The following CABCOCO1 variants were observed in gnomAD, a reference collection of about 807,000 sequenced individuals.
The protein encoded by CABCOCO1 is ciliary associated calcium binding coiled-coil 1.
A neutral mutation model predicts 35.7 loss-of-function variants in CABCOCO1; 28 were observed. The ratio of observed to expected loss-of-function variants is 0.78; its 90% CI spans 0.58 to 1.07. The LOEUF (loss-of-function observed/expected upper bound fraction) is 1.07. Ranked by LOEUF, CABCOCO1 falls within the 50% of genes least tolerant of loss-of-function variation. The probability of loss-of-function intolerance (pLI) is 0.00; values close to 1 mark genes in which losing one functional copy is unlikely to be tolerated. For missense variants in CABCOCO1, 326 were observed against 309.2 expected, an observed-to-expected ratio of 1.05 and a Z score of -0.41; for synonymous variants, 95 against 100.1, an observed-to-expected ratio of 0.95 and a Z score of 0.30.
chr10:61,670,510 T>C (rs1839322715), intron 1 of CABCOCO1, among the ~76,000 whole-genome samples: 1 of 152,196 alleles, frequency 6.6e-6, no homozygotes, highest in Non-Finnish European at 1.5e-5. Context: ...AACCTAATAT[T>C]AAATTACAAA....
At chr10:61,720,586 A>G (rs1256410263) in intron 5 of CABCOCO1, among the ~76,000 whole-genome samples, 1 of 152,254 alleles carries the variant, frequency 6.6e-6, no homozygotes, top group Non-Finnish European at 1.5e-5. Context: ...GAAATGGTAG[A>G]GGATTATTAA....
intron 5 of CABCOCO1, among the ~76,000 whole-genome samples, chr10:61,693,983 A>G (rs1840226929): frequency 6.6e-6 from 1 of 152,006 alleles, no homozygotes; most frequent in Non-Finnish European, 1.5e-5. Flanking sequence ...CAAACCACAA[A>G]CACAAAACAG....
intron 6 of CABCOCO1, among the ~76,000 whole-genome samples, 165 bp downstream of exon 6, chr10:61,760,346 T>C (rs188117497): frequency 3.9e-4 from 60 of 152,116 alleles, no homozygotes; most frequent in African/African-American, 1.4e-3. Flanking sequence ...CCGCTGATGG[T>C]AGTTCAGCAA....
At chr10:61,743,781 A>G (rs1653715774) in intron 5 of CABCOCO1, among the ~76,000 whole-genome samples, 1 of 152,038 alleles carries the variant, frequency 6.6e-6, no homozygotes, top group Non-Finnish European at 1.5e-5. Flanking sequence ...CCCCATCTGC[A>G]TGCTAACTCC....
chr10:61,710,865 T>A (rs1840718883), intron 5 of CABCOCO1, among the ~76,000 whole-genome samples: 2 of 151,872 alleles, frequency 1.3e-5, no homozygotes, highest in Admixed American at 1.3e-4. Context: ...GTGAATCTGA[T>A]ACTCTGTGAC....
intron 1 of CABCOCO1, among the ~76,000 whole-genome samples, chr10:61,672,013 C>T (rs966228492): frequency 6.6e-6 from 1 of 152,216 alleles, no homozygotes; most frequent in African/African-American, 2.4e-5. Flanking sequence ...CAACTAGTCA[C>T]CCTCATGTAA....
At chr10:61,667,658 C>G (rs1406996850) in intron 1 of CABCOCO1, among the ~76,000 whole-genome samples, 1 of 151,570 alleles carries the variant, frequency 6.6e-6, no homozygotes, top group Non-Finnish European at 1.5e-5. Flanking sequence ...AAGTTTTTAC[C>G]TTTTCTGTTT....
rs554314738 is a variant in CABCOCO1 at position 61,738,494 on chromosome 10, A to T, written c.553-21565A>T. ...ATATCACTACTTTATATTGCTTGTA[A>T]ACAAATATATTTTTGCTAGTAAACA... On this transcript the variant is annotated intron_variant, in intron 5 of 7. Coordinates refer to ENST00000648843, the MANE Select transcript of CABCOCO1 (RefSeq NM_001366906.2). Among the ~76,000 whole-genome samples, 3 of 152,228 alleles carry T rather than the reference A, an allele frequency of 2.0e-5. No homozygotes were observed. The South Asian group carries it at 6.2e-4, about 31-fold the overall frequency.
At chr10:61,710,785 T>A (rs1276291080) in intron 5 of CABCOCO1, among the ~76,000 whole-genome samples, 1 of 151,814 alleles carries the variant, frequency 6.6e-6, no homozygotes, top group Non-Finnish European at 1.5e-5. Context: ...ATCAAAACTC[T>A]GAATATGAGC....
intron 1 of CABCOCO1, among the ~76,000 whole-genome samples, chr10:61,664,264 A>G (rs1226609623): frequency 1.3e-5 from 2 of 152,310 alleles, no homozygotes; most frequent in East Asian, 3.9e-4. Flanking sequence ...AAATTTTCCA[A>G]TTAAATTGTG....
intron 5 of CABCOCO1, among the ~76,000 whole-genome samples, chr10:61,707,211 T>G (rs748129121): frequency 1.5e-4 from 23 of 152,014 alleles, no homozygotes; most frequent in Non-Finnish European, 3.1e-4. Context: ...ACTGTAAGAA[T>G]AGCCAACAGA....
At chr10:61,724,299 T>G (rs561033957) in intron 5 of CABCOCO1, among the ~76,000 whole-genome samples, 7 of 152,166 alleles carry the variant, frequency 4.6e-5, no homozygotes, top group Non-Finnish European at 5.9e-5. Flanking sequence ...GTATCTCCAT[T>G]CAGGATATGT....
intron 5 of CABCOCO1, among the ~76,000 whole-genome samples, chr10:61,694,528 T>G (rs1011371175): frequency 6.6e-6 from 1 of 151,732 alleles, no homozygotes; most frequent in African/African-American, 2.4e-5. Flanking sequence ...TCCAATTTAT[T>G]AACAGATTCA....
chr10:61,667,858 T>C (rs1839239365), intron 1 of CABCOCO1, among the ~76,000 whole-genome samples: 1 of 151,838 alleles, frequency 6.6e-6, no homozygotes, highest in South Asian at 2.1e-4. Flanking sequence ...GTTACATATT[T>C]AGTTTTCTTA....
chr10:61,728,303 G>T (rs1284128367), intron 5 of CABCOCO1, among the ~76,000 whole-genome samples: 1 of 152,030 alleles, frequency 6.6e-6, no homozygotes, highest in Non-Finnish European at 1.5e-5. Flanking sequence ...TTTAACACTT[G>T]ACATGTCAGT....
At chr10:61,752,508 C>T (rs1461809695) in intron 5 of CABCOCO1, among the ~76,000 whole-genome samples, 5 of 152,056 alleles carry the variant, frequency 3.3e-5, no homozygotes, top group East Asian at 1.9e-4. Flanking sequence ...AATATCTAAA[C>T]GTAAACATCA....
At chr10:61,695,880 A>AT (rs1362179403) in intron 5 of CABCOCO1, among the ~76,000 whole-genome samples, 1 of 152,080 alleles carries the variant, frequency 6.6e-6, no homozygotes, top group East Asian at 1.9e-4. Flanking sequence ...GGATTTTTAG[A>AT]TCAAAAAAAT....
At chr10:61,710,121 A>T (rs1840693239) in intron 5 of CABCOCO1, among the ~76,000 whole-genome samples, 1 of 152,036 alleles carries the variant, frequency 6.6e-6, no homozygotes, top group African/African-American at 2.4e-5. Flanking sequence ...ATTATTTTAA[A>T]TGATTTTTCC....
At chr10:61,663,817 G>A (rs1257604228) in intron 1 of CABCOCO1, among the ~76,000 whole-genome samples, 2 of 91,606 alleles carry the variant, frequency 2.2e-5, no homozygotes, top group African/African-American at 3.7e-5. Flanking sequence ...TGCTGTGCCA[G>A]ATATTATAAA....
Sources: allele counts gnomAD v4.1 joint callset (sites outside exome capture counted in the v4.1 genomes callset), GRCh38; gene constraint gnomAD v4.1.1; transcripts MANE v1.5; gene names NCBI Gene and HGNC (gene_info 2026-07-23, HGNC 2026-07-21).